The following SLC30A8 variants were observed in gnomAD, a reference collection of about 807,000 sequenced individuals.
SLC30A8 encodes the protein proton-coupled zinc antiporter SLC30A8.
SLC30A8 carries 27 observed loss-of-function variants against 36.9 expected under a neutral mutation model. The observed-to-expected ratio is 0.73, with a 90% CI of 0.54 to 1.01. The LOEUF is 1.01. Among genes scored for constraint, SLC30A8 ranks in the 50% least tolerant of loss-of-function variants. SLC30A8 has a pLI of 0.00. For missense variants in SLC30A8, 439 were observed against 452.0 expected (o/e 0.97, Z 0.26); for synonymous variants, 164 against 172.4 (o/e 0.95, Z 0.38).
chr8:117,103,664 C>T (rs998919056), intron 2 of SLC30A8, among the ~76,000 whole-genome samples: 3 of 152,084 alleles, frequency 2.0e-5, no homozygotes, highest in Non-Finnish European at 4.4e-5. Flanking sequence ...TTCGTAGGGA[C>T]AGGTTTTGCC....
At position 116,959,439 on chromosome 8, in the gene SLC30A8, G is replaced by A. The variant is rs780557993; in HGVS notation, c.-266+8320G>A. Among the ~76,000 whole-genome samples, 90 of 152,062 alleles carry A rather than the reference G, an allele frequency of 5.9e-4. 2 individuals are homozygous for A. Among genetic ancestry groups the A allele is most frequent in the Non-Finnish European group, 1.6e-4 (11 of 68,004 alleles). ...AGTTCTAGATTGGCTTCAATTGATC[G>A]ATTTTTCTTCTCATTATGGATCATA... On this transcript the variant is annotated intron_variant, in intron 1 of 10. Transcript: ENST00000427715.
upstream of SLC30A8, among the ~76,000 whole-genome samples, chr8:117,132,869 T>A (rs1361478290): frequency 1.3e-5 from 2 of 152,036 alleles, no homozygotes; most frequent in Admixed American, 6.6e-5. Context: ...CATCTAAATT[T>A]ATGGCAGCAA....
chr8:117,135,379 T>G lies in SLC30A8; in HGVS notation c.52T>G (p.Tyr18Asp), dbSNP rs201490156. 6.2e-6 allele frequency: 10 copies of G among 1,600,072 alleles called. No individual in the cohort carries two copies. Among genetic ancestry groups the G allele is most frequent in the African/African-American group, 1.3e-5 (1 of 74,674 alleles). ...YLVNDKAAKM[Y>D]AFTLESVELQ... ...TGTGAATGATAAAGCTGCCAAGATG[T>G]ATGCTTTCACACTAGAAAGGTAATA... The change falls in exon 1 of 8, where the codon TAT becomes GAT. Residue 18 changes from tyrosine to aspartate, a missense_variant. Coordinates refer to ENST00000456015, the MANE Select transcript of SLC30A8 (RefSeq NM_173851.3).
At chr8:117,159,178 TATA>T (rs71569722) in intron 4 of SLC30A8, among the ~76,000 whole-genome samples, 15,118 of 152,250 alleles carry the variant, frequency 0.099, 934 homozygotes, top group East Asian at 0.15. Flanking sequence ...CCTCCAGAAC[TATA>T]ATAAGTTTGT....
intron 1 of SLC30A8, among the ~76,000 whole-genome samples, chr8:116,979,377 C>T (rs569575307): frequency 7.9e-5 from 12 of 151,692 alleles, no homozygotes; most frequent in South Asian, 2.1e-4. Flanking sequence ...ATGCATAAAG[C>T]AGAGAAGGGA....
chr8:117,034,737 C>G (rs1424169486), intron 1 of SLC30A8, among the ~76,000 whole-genome samples: 1 of 152,110 alleles, frequency 6.6e-6, no homozygotes, highest in African/African-American at 2.4e-5. Context: ...CTGCTTGAGA[C>G]TGGGTAATTT....
At chr8:117,112,402 G>T (rs974343028) in intron 2 of SLC30A8, among the ~76,000 whole-genome samples, 1 of 152,054 alleles carries the variant, frequency 6.6e-6, no homozygotes, top group African/African-American at 2.4e-5. Context: ...TATTTTGTTT[G>T]AAGTACAGCC....
At chr8:116,950,616 A>C (rs2130566067), upstream of SLC30A8, 1 of 152,342 alleles carries the variant, frequency 6.6e-6, no homozygotes, top group Middle Eastern at 3.4e-3. Flanking sequence ...GAGGTTTAGC[A>C]AACTGTCAGA....
intron 3 of SLC30A8, among the ~76,000 whole-genome samples, chr8:117,156,116 T>C (rs759696282): frequency 6.3e-4 from 96 of 152,096 alleles, no homozygotes; most frequent in Non-Finnish European, 1.1e-3. Flanking sequence ...CTTGGCCCAT[T>C]GCAACCTCCA....
At chr8:117,166,698 T>C (rs1823070657) in intron 6 of SLC30A8, among the ~76,000 whole-genome samples, 1 of 151,924 alleles carries the variant, frequency 6.6e-6, no homozygotes, top group Non-Finnish European at 1.5e-5. Flanking sequence ...ACCTGTAAAA[T>C]TCAGTGAGAG....
At chr8:117,095,564 G>T (rs763019754) in intron 2 of SLC30A8, among the ~76,000 whole-genome samples, 1 of 151,830 alleles carries the variant, frequency 6.6e-6, no homozygotes, top group Non-Finnish European at 1.5e-5. Context: ...TCTCCCAAAC[G>T]GAGTTAATCA....
intron 3 of SLC30A8, 60 bp from the exon 4 acceptor site, chr8:117,157,631 T>C: frequency 6.3e-7 from 1 of 1,585,340 alleles, no homozygotes; most frequent in South Asian, 1.1e-5. Context: ...CTCTTGGGGG[T>C]GTAGGTGTAG....
At chr8:117,163,600 C>T in intron 6 of SLC30A8, 70 bp downstream of exon 6, 1 of 1,115,662 alleles carries the variant, frequency 9.0e-7, no homozygotes, top group Admixed American at 2.3e-5. Flanking sequence ...AAGGGAATGG[C>T]TACAAGGCAT....
chr8:116,983,954 AG>A (rs1815358367), intron 1 of SLC30A8, among the ~76,000 whole-genome samples: 1 of 152,192 alleles, frequency 6.6e-6, no homozygotes, highest in Non-Finnish European at 1.5e-5. Context: ...TCTTCAACAC[AG>A]GCTCCTGTAC....
At chr8:116,966,131 G>A (rs138690759) in intron 1 of SLC30A8, among the ~76,000 whole-genome samples, 278 of 152,180 alleles carry the variant, frequency 1.8e-3, no homozygotes, top group African/African-American at 5.9e-3. Context: ...CAATTCGCCC[G>A]TCTCGGCCTC....
At chr8:117,112,822 T>G (rs1218153293) in intron 2 of SLC30A8, among the ~76,000 whole-genome samples, 3 of 152,158 alleles carry the variant, frequency 2.0e-5, no homozygotes, top group Non-Finnish European at 4.4e-5. Context: ...GCAAATTCTT[T>G]GTTTTTCCTT....
upstream of SLC30A8, among the ~76,000 whole-genome samples, chr8:116,950,783 C>G (rs1186546420): frequency 6.6e-6 from 1 of 152,146 alleles, no homozygotes; most frequent in Non-Finnish European, 1.5e-5. Context: ...GGACAATGTC[C>G]TCTGAAATCC....
chr8:117,157,227 A>T (rs774635228), intron 3 of SLC30A8, among the ~76,000 whole-genome samples: 2 of 152,172 alleles, frequency 1.3e-5, no homozygotes, highest in Non-Finnish European at 2.9e-5. Flanking sequence ...GTGCTCTCTG[A>T]AGCTTTCCCT....
intron 2 of SLC30A8, among the ~76,000 whole-genome samples, chr8:117,097,980 T>A (rs957976598): frequency 8.2e-6 from 1 of 122,546 alleles, no homozygotes; most frequent in Admixed American, 9.9e-5. Flanking sequence ...AATAATAAAT[T>A]TAATAAATTT....
Sources: allele counts gnomAD v4.1 joint callset (sites outside exome capture counted in the v4.1 genomes callset), GRCh38; gene constraint gnomAD v4.1.1; transcripts MANE v1.5; gene names NCBI Gene and HGNC (gene_info 2026-07-23, HGNC 2026-07-21).